The following CDH23 variants were observed in gnomAD, a reference collection of about 807,000 sequenced individuals.
CDH23 encodes cadherin related 23.
Under a neutral mutation model 317.1 loss-of-function variants are expected in CDH23, and 189 were observed. The observed-to-expected ratio is 0.60, with a 90% CI of 0.53 to 0.67. CDH23 has a LOEUF of 0.67. CDH23 is among the 30% of genes least tolerant of loss of function. CDH23 has a pLI of 0.00. For synonymous variants in CDH23, 1,839 were observed against 1,876.8 expected, an observed-to-expected ratio of 0.98 and a Z score of 0.52; for missense variants, 4,401 against 4,592.4, an observed-to-expected ratio of 0.96 and a Z score of 1.20.
At chr10:71,611,897 A>G (rs1860919305) in intron 9 of CDH23, among the ~76,000 whole-genome samples, 1 of 152,174 alleles carries the variant, frequency 6.6e-6, no homozygotes, top group Admixed American at 6.6e-5. Flanking sequence ...CCTTGCGCAT[A>G]GTAGGTGCTC....
rs74147331 is a variant in CDH23, at chr10:71,570,652, G to A, written c.625-138G>A. The A allele has an allele frequency of 0.017, 15,783 of 919,062 alleles. 1,625 individuals are homozygous for A. The African/African-American group carries it at 0.23, about 13-fold the overall frequency. 56.9% of individuals were successfully genotyped at this position (919,062 alleles called of 1,614,324 possible). Reference sequence around the variant, plus strand: ...AGCCCTTCCCTGCTGGAGTGCAAGAGCATGGGTGTGTGTGTGCGTGTGCAT... The same window carrying A: ...AGCCCTTCCCTGCTGGAGTGCAAGAACATGGGTGTGTGTGTGCGTGTGCAT... On this transcript the variant is annotated intron_variant, in intron 7 of 69. Coordinates refer to ENST00000224721, the MANE Select transcript of CDH23 (RefSeq NM_022124.6).
At chr10:71,602,034 C>A (rs1405561435) in intron 9 of CDH23, among the ~76,000 whole-genome samples, 5 of 151,880 alleles carry the variant, frequency 3.3e-5, no homozygotes, top group Non-Finnish European at 7.4e-5. Flanking sequence ...CAGCTGGTGG[C>A]CAGTTTCTAT....
rs1309343594 is a variant in CDH23, at chr10:71,566,870, C to T, written c.558C>T (p.Ile186=). The T allele has an allele frequency of 2.5e-6, 4 of 1,613,874 alleles. No individual in the cohort carries two copies. Among genetic ancestry groups the T allele is most frequent in the Non-Finnish European group, 3.4e-6 (4 of 1,179,898 alleles). ...TCGCCATTGACAGCGCCCGCGGTAT[C>T]GTCACAGTGATCCGGGAGCTGGACT... ...QFFAIDSARG[I]VTVIRELDYE... Residue 186 remains isoleucine, a synonymous_variant, in exon 7 of 70, where the codon ATC becomes ATT. Transcript: ENST00000224721.
intron 6 of CDH23, among the ~76,000 whole-genome samples, chr10:71,522,456 G>A (rs1422378713): frequency 6.6e-6 from 1 of 152,070 alleles, no homozygotes; most frequent in Non-Finnish European, 1.5e-5. Flanking sequence ...TCCTCTTGGG[G>A]GCCACTCCCC....
intron 17 of CDH23, among the ~76,000 whole-genome samples, chr10:71,680,435 C>T (rs940629107): frequency 1.3e-5 from 2 of 152,040 alleles, no homozygotes; most frequent in Non-Finnish European, 2.9e-5. Flanking sequence ...TAGTTCAGTT[C>T]AGAGAAATGC....
intron 38 of CDH23, among the ~76,000 whole-genome samples, chr10:71,744,789 C>T (rs74145630): frequency 0.033 from 4,950 of 152,302 alleles, 278 homozygotes; most frequent in African/African-American, 0.11. Flanking sequence ...TGAGGCCATC[C>T]ATCTCCAGGG....
intron 41 of CDH23, among the ~76,000 whole-genome samples, chr10:71,780,244 G>A (rs1840916484): frequency 1.3e-5 from 2 of 152,216 alleles, no homozygotes; most frequent in Non-Finnish European, 2.9e-5. Context: ...ATACCAAACA[G>A]ATGCAAATCC....
rs1399275755 is a variant in CDH23, at chr10:71,751,688, T to C, written c.4845+9767T>C. 4.5e-6 allele frequency: 7 copies of C among 1,542,684 alleles called. No individual in the cohort carries two copies. The African/African-American group carries it at 9.7e-5, about 21-fold the overall frequency. Reference sequence around the variant, plus strand: ...CTTACCCAGGGATGGGAAGAAGACGTCTCCGGGGCCTGGAGGAGACAGGGG... The same window carrying C: ...CTTACCCAGGGATGGGAAGAAGACGCCTCCGGGGCCTGGAGGAGACAGGGG... On this transcript the variant is annotated intron_variant, in intron 38 of 69. Transcript: ENST00000224721. The surrounding 1 kb of genome is among the most constrained non-coding windows in gnomAD (Gnocchi z 4.9).
intron 14 of CDH23, among the ~76,000 whole-genome samples, chr10:71,653,527 T>C (rs1443731079): frequency 6.6e-6 from 1 of 152,238 alleles, no homozygotes; most frequent in Non-Finnish European, 1.5e-5. Context: ...GAAAGCCAGT[T>C]CACTGCCTGT....
intron 38 of CDH23, chr10:71,749,444 G>T (rs12771006): frequency 0.26 from 39,901 of 152,274 alleles, 5,874 homozygotes; most frequent in Non-Finnish European, 0.34. Flanking sequence ...AGTGCTGGGA[G>T]GACAGGTGTG....
intron 14 of CDH23, among the ~76,000 whole-genome samples, chr10:71,657,028 C>T (rs1199139627): frequency 1.3e-5 from 2 of 152,192 alleles, no homozygotes; most frequent in African/African-American, 4.8e-5. Flanking sequence ...AGTGGAAGTC[C>T]AGATCCCTCC....
chr10:71,474,959 C>T (rs988861725), intron 3 of CDH23, among the ~76,000 whole-genome samples: 1 of 152,240 alleles, frequency 6.6e-6, no homozygotes, highest in Non-Finnish European at 1.5e-5. Context: ...TAAGACTGCT[C>T]TCATCTCTTT....
intron 11 of CDH23, among the ~76,000 whole-genome samples, chr10:71,631,125 G>GTCC (rs1353047733): frequency 6.6e-6 from 1 of 152,202 alleles, no homozygotes; most frequent in Non-Finnish European, 1.5e-5. Flanking sequence ...CACACTTGTA[G>GTCC]TCCTAGCTGC....
At chr10:71,609,358 C>T (rs1860722636) in intron 9 of CDH23, among the ~76,000 whole-genome samples, 2 of 151,938 alleles carry the variant, frequency 1.3e-5, no homozygotes, top group African/African-American at 2.4e-5. Context: ...CTTGACTCTG[C>T]GGCGCCCTCT....
chr10:71,698,990 C>T (rs926171214), intron 22 of CDH23, among the ~76,000 whole-genome samples: 18 of 152,168 alleles, frequency 1.2e-4, no homozygotes, highest in African/African-American at 2.4e-5. Context: ...AGTCCCCACC[C>T]GATAGAACTG....
At chr10:71,625,599 T>A (rs1564695296) in intron 11 of CDH23, among the ~76,000 whole-genome samples, 1 of 152,074 alleles carries the variant, frequency 6.6e-6, no homozygotes, top group Non-Finnish European at 1.5e-5. Context: ...TCAGGCAGCA[T>A]CAGCCCACAA....
intron 14 of CDH23, among the ~76,000 whole-genome samples, chr10:71,661,832 CCCCCTCCCACCCTGCACGT>C (rs1300312685): frequency 0.029 from 1,600 of 56,126 alleles, 171 homozygotes; most frequent in Non-Finnish European, 0.047. Context: ...CCACCCTGCG[CCCCCTCCCACCCTGCACGT>C]CCCCTCCCAC....
chr10:71,700,957 C>G (rs1467296159), intron 22 of CDH23, among the ~76,000 whole-genome samples: 1 of 152,220 alleles, frequency 6.6e-6, no homozygotes, highest in African/African-American at 2.4e-5. Context: ...GATGAAGGAG[C>G]TGACAAGCCT....
chr10:71,398,061 G>A (rs1847606193), intron 1 of CDH23, among the ~76,000 whole-genome samples: 2 of 152,182 alleles, frequency 1.3e-5, no homozygotes, highest in African/African-American at 2.4e-5. Context: ...CCCAGGACTC[G>A]AGCAGAGCCC....
Sources: allele counts gnomAD v4.1 joint callset (sites outside exome capture counted in the v4.1 genomes callset), GRCh38; gene constraint gnomAD v4.1.1; non-coding constraint Gnocchi (gnomAD v3.1); transcripts MANE v1.5; gene names NCBI Gene and HGNC (gene_info 2026-07-23, HGNC 2026-07-21).